Variants in STK3 observed in about 807,000 individuals in gnomAD.
The protein encoded by STK3 is serine/threonine kinase 3.
In STK3, 41 loss-of-function variants were observed where a neutral mutation model predicts 58.0. The observed-to-expected ratio is 0.71, with a 90% CI of 0.55 to 0.92. The LOEUF (loss-of-function observed/expected upper bound fraction) is 0.92, where lower values mean the gene tolerates loss of function less well. STK3 is among the 40% of genes least tolerant of loss of function. The pLI is 0.00. For missense variants in STK3, 479 were observed against 602.7 expected, an observed-to-expected ratio of 0.79 and a Z score of 2.15; for synonymous variants, 170 against 191.0, an observed-to-expected ratio of 0.89 and a Z score of 0.91.
intron 1 of STK3, among the ~76,000 whole-genome samples, chr8:98,930,039 T>G (rs1253890003): frequency 6.6e-6 from 1 of 152,216 alleles, no homozygotes; most frequent in Non-Finnish European, 1.5e-5. Flanking sequence ...TTCCTCAAAA[T>G]TATTAAGATC....
chr8:98,569,647 A>C (rs961624045), intron 8 of STK3, among the ~76,000 whole-genome samples: 18 of 152,144 alleles, frequency 1.2e-4, no homozygotes, highest in Non-Finnish European at 2.1e-4. Context: ...ATTGGTTCTG[A>C]AAATCACAAA....
At chr8:98,460,730 G>T (rs902513601) in intron 10 of STK3, among the ~76,000 whole-genome samples, 4 of 152,114 alleles carry the variant, frequency 2.6e-5, no homozygotes, top group African/African-American at 9.7e-5. Flanking sequence ...GATCTGATGG[G>T]TTTATGAGGG....
At chr8:98,575,567 T>A (rs962988310) in intron 8 of STK3, among the ~76,000 whole-genome samples, 1 of 151,740 alleles carries the variant, frequency 6.6e-6, no homozygotes, top group Non-Finnish European at 1.5e-5. Context: ...CCTGTCCTGG[T>A]CTCTGGTAAC....
intron 6 of STK3, among the ~76,000 whole-genome samples, chr8:98,634,605 T>C (rs1028459356): frequency 3.3e-5 from 5 of 152,076 alleles, no homozygotes; most frequent in African/African-American, 9.7e-5. Context: ...TTGGTTCAAA[T>C]ATAAAGGGAG....
rs866271049 is a variant in STK3 at position 98,412,177 on chromosome 8, T to C, written n.484-10664A>G. On this transcript the variant is annotated intron_variant and non_coding_transcript_variant, in intron 3 of 3. Transcript: ENST00000517832. ...CTCCTCCTACCACAACACAGGAAAA[T>C]ATTTGTGCCAGTAACAGATTCCTAC... 1.8e-4 allele frequency among the ~76,000 whole-genome samples: 27 copies of C among 152,188 alleles called. 1 individual carries two copies. Among genetic ancestry groups the C allele is most frequent in the African/African-American group, 6.3e-4 (26 of 41,532 alleles).
At position 98,441,708 on chromosome 8, in the gene STK3, G is replaced by C. The variant is rs538561680; in HGVS notation, n.186-4500C>G. Among the ~76,000 whole-genome samples, 3 of 152,312 alleles carry C rather than the reference G, an allele frequency of 2.0e-5. No individual in the cohort carries two copies. In the East Asian group the frequency reaches 5.8e-4, roughly 29 times the overall value. On this transcript the variant is annotated intron_variant and non_coding_transcript_variant, in intron 1 of 3. Transcript: ENST00000517832. Reference sequence around the variant, plus strand: ...ACCAGTGGTGGAGAATCTCCACCTTGAAGTGTCTCCCCTCTTGGCTTCCAA... The same window carrying C: ...ACCAGTGGTGGAGAATCTCCACCTTCAAGTGTCTCCCCTCTTGGCTTCCAA...
chr8:98,674,368 A>G lies in STK3; in HGVS notation c.684+32099T>C, dbSNP rs192358202. Among the ~76,000 whole-genome samples, 39 of 152,270 alleles carry G rather than the reference A, an allele frequency of 2.6e-4. No homozygotes were observed. In the East Asian group the frequency reaches 7.5e-3, roughly 29 times the overall value. Reference sequence around the variant, plus strand: ...TATTTATAAACTCAATGAAATGTTCAATTTGTGATGAATCAGAAAAAAATG... The same window carrying G: ...TATTTATAAACTCAATGAAATGTTCGATTTGTGATGAATCAGAAAAAAATG... On this transcript the variant is annotated intron_variant, in intron 6 of 10. Coordinates refer to ENST00000419617, the MANE Select transcript of STK3 (RefSeq NM_006281.4).
At chr8:98,484,726 T>TTAGAAAATACTATATATAA (rs1208777712) in intron 10 of STK3, among the ~76,000 whole-genome samples, 4 of 152,006 alleles carry the variant, frequency 2.6e-5, no homozygotes, top group African/African-American at 9.7e-5. Context: ...TTAATAAGGA[T>TTAGAAAATACTATATATAA]TAGAAAATAC....
At chr8:98,934,744 C>T (rs376647596) in intron 1 of STK3, among the ~76,000 whole-genome samples, 5 of 152,008 alleles carry the variant, frequency 3.3e-5, no homozygotes, top group Admixed American at 1.3e-4. Context: ...GGTGAAACCC[C>T]GTCTCTACTA....
chr8:98,642,295 T>C (rs1386713528), intron 6 of STK3, among the ~76,000 whole-genome samples: 2 of 152,152 alleles, frequency 1.3e-5, no homozygotes, highest in African/African-American at 4.8e-5. Context: ...AGCTGTACAC[T>C]TAACAATGGT....
chr8:98,763,684 T>C (rs569395764), intron 3 of STK3, among the ~76,000 whole-genome samples: 2 of 152,212 alleles, frequency 1.3e-5, no homozygotes, highest in Admixed American at 1.3e-4. Context: ...CTTTTTTTTT[T>C]CTTTTTGAGA....
chr8:98,823,777 A>C (rs1158340088), intron 1 of STK3, among the ~76,000 whole-genome samples: 3 of 152,190 alleles, frequency 2.0e-5, no homozygotes, highest in Non-Finnish European at 4.4e-5. Flanking sequence ...TCCCCACAAT[A>C]CATTTCACAG....
rs1467556536 is a variant in STK3, at chr8:98,860,891, C to T, written c.110+22756G>A. The stretch of plus-strand genomic sequence containing the variant: ...GCAACATGGTGAAACCCCATCCCTA[C>T]AATAAAATAAAATAAAAAATTAGCC... On this transcript the variant is annotated intron_variant, in intron 3 of 12. Transcript: ENST00000523601. 3.3e-5 allele frequency among the ~76,000 whole-genome samples: 5 copies of T among 151,912 alleles called. No homozygotes were observed. In the East Asian group the frequency reaches 9.7e-4, roughly 29 times the overall value.
intron 4 of STK3, among the ~76,000 whole-genome samples, chr8:98,710,710 T>C (rs1826343797): frequency 6.6e-6 from 1 of 152,192 alleles, no homozygotes; most frequent in East Asian, 1.9e-4. Context: ...ACTCCACCTC[T>C]GGGGGCAGGG....
intron 3 of STK3, among the ~76,000 whole-genome samples, chr8:98,832,244 G>GAAA (rs756031604): frequency 2.4e-5 from 3 of 125,838 alleles, no homozygotes; most frequent in East Asian, 2.4e-4. Context: ...TCCTTTTCGT[G>GAAA]AAAAAAAAAA....
chr8:98,429,428 C>T (rs1342141815), intron 3 of STK3: 2 of 1,550,628 alleles, frequency 1.3e-6, no homozygotes, highest in Admixed American at 1.7e-5. Context: ...GAGGACTTGT[C>T]ACCCTCCACC....
Position 98,811,974 on chromosome 8 carries a change from T to A in STK3, c.26+13541A>T, listed in dbSNP as rs144732898. Reference sequence around the variant, plus strand: ...ATAGGTATGGGACACCATACCCAGCTAATTTTTGTATTTGTAGTAGAGACA... The same window carrying A: ...ATAGGTATGGGACACCATACCCAGCAAATTTTTGTATTTGTAGTAGAGACA... On this transcript the variant is annotated intron_variant, in intron 1 of 10. Transcript: ENST00000419617. Among the ~76,000 whole-genome samples the A allele has an allele frequency of 8.6e-3, 1,317 of 152,284 alleles. 12 individuals carry two copies. The highest frequency in any genetic ancestry group is 0.03 in the African/African-American group (1,240 of 41,566).
At chr8:98,378,010 G>A (rs967387052) in intron 2 of STK3, among the ~76,000 whole-genome samples, 18 of 152,166 alleles carry the variant, frequency 1.2e-4, no homozygotes, top group African/African-American at 3.9e-4. Flanking sequence ...GACTTCAAGA[G>A]GTGTCTCCAG....
At chr8:98,439,256 G>A (rs966625631) in intron 1 of STK3, 27 of 152,156 alleles carry the variant, frequency 1.8e-4, no homozygotes, top group East Asian at 9.6e-4. Flanking sequence ...TAAATGAAAC[G>A]AGGTCAGAAG....
Sources: allele counts gnomAD v4.1 joint callset (sites outside exome capture counted in the v4.1 genomes callset), GRCh38; gene constraint gnomAD v4.1.1; transcripts MANE v1.5; gene names NCBI Gene and HGNC (gene_info 2026-07-23, HGNC 2026-07-21).